WARS2: variants seen among roughly 807,000 people sequenced by gnomAD.
The protein encoded by WARS2 is tryptophanyl tRNA synthetase 2, mitochondrial, also known as tryptophan--tRNA ligase, mitochondrial.
A neutral mutation model predicts 36.5 loss-of-function variants in WARS2; 28 were observed. The ratio of observed to expected loss-of-function variants is 0.77; its 90% CI spans 0.57 to 1.05. WARS2 has a LOEUF of 1.05. Ranked by LOEUF, WARS2 falls within the 50% of genes least tolerant of loss-of-function variation. WARS2 has a pLI of 0.00. For missense variants in WARS2, 435 were observed against 456.8 expected, an observed-to-expected ratio of 0.95 and a Z score of 0.44; for synonymous variants, 174 against 178.4, an observed-to-expected ratio of 0.98 and a Z score of 0.20.
At position 119,033,589 on chromosome 1, in the gene WARS2, C is replaced by T. The variant is rs571820897; in HGVS notation, c.635-230G>A. On this transcript the variant is annotated intron_variant, in intron 5 of 5. Transcript: ENST00000235521. ...TATTCAATAAATTACATGAGATATT[C>T]AATACTTTATTATAAAATAGGCTTT... Among the ~76,000 whole-genome samples, 3 of 152,234 alleles carry T rather than the reference C, an allele frequency of 2.0e-5. No homozygotes were observed. The South Asian group carries it at 6.2e-4, about 32-fold the overall frequency.
chr1:119,073,345 A>G (rs1214259453), intron 2 of WARS2, among the ~76,000 whole-genome samples: 3 of 152,124 alleles, frequency 2.0e-5, no homozygotes, highest in Admixed American at 6.5e-5. Context: ...CCATCCATCC[A>G]TAGAGTTGTA....
chr1:119,108,806 C>T (rs1184592672), intron 1 of WARS2, among the ~76,000 whole-genome samples: 2 of 151,770 alleles, frequency 1.3e-5, no homozygotes, highest in African/African-American at 4.8e-5. Flanking sequence ...GGTGAAAGTT[C>T]TGATAACTGA....
intron 1 of WARS2, among the ~76,000 whole-genome samples, chr1:119,129,914 G>A (rs1477113882): frequency 6.6e-6 from 1 of 152,074 alleles, no homozygotes; most frequent in Non-Finnish European, 1.5e-5. Context: ...GCACAACCTT[G>A]GCTATATAGA....
intron 1 of WARS2, among the ~76,000 whole-genome samples, chr1:119,136,177 T>C (rs1656497100): frequency 6.6e-6 from 1 of 152,098 alleles, no homozygotes; most frequent in African/African-American, 2.4e-5. Context: ...TGCAGACAGC[T>C]CTTCTGTAAC....
intron 1 of WARS2, among the ~76,000 whole-genome samples, chr1:119,129,103 G>A (rs1025056879): frequency 1.3e-5 from 2 of 152,180 alleles, no homozygotes; most frequent in African/African-American, 4.8e-5. Flanking sequence ...GGCCACTGTA[G>A]TCACAGACTG....
chr1:119,115,836 A>C (rs965878520), intron 1 of WARS2, among the ~76,000 whole-genome samples: 2 of 152,150 alleles, frequency 1.3e-5, no homozygotes, highest in Non-Finnish European at 2.9e-5. Flanking sequence ...GTTACTGTTA[A>C]TATTCTGGAA....
In WARS2 at chr1:119,032,442, T is replaced by A. The variant is rs1426253748; in HGVS notation, c.*469A>T. On this transcript the variant is annotated 3_prime_UTR_variant, in exon 6 of 6. Transcript: ENST00000235521. ...AAACAAACTATAAGAATGGACTTGT[T>A]TTTATGAGCTCTGAATACAAATTGG... 1 of 154,482 alleles carries A rather than the reference T, an allele frequency of 6.5e-6. No homozygotes were observed. The highest frequency in any genetic ancestry group is 1.9e-4 in the East Asian group (1 of 5,228). The allele number at this position is 154,482 out of a possible 1,614,324, so 9.6% of individuals were successfully genotyped here. A position where few individuals can be genotyped will look rare whatever the true frequency, so the allele number is the denominator to read the frequency against.
intron 1 of WARS2, among the ~76,000 whole-genome samples, chr1:119,095,054 GT>G (rs756339464): frequency 2.6e-5 from 4 of 151,864 alleles, no homozygotes; most frequent in African/African-American, 4.8e-5. Flanking sequence ...TCTTTTGGAG[GT>G]TTTTTTTATG....
rs187790466 is a variant in WARS2 at position 119,107,145 on chromosome 1, T to A, written c.91-30538A>T. Among the ~76,000 whole-genome samples, 23 of 152,260 alleles carry A rather than the reference T, an allele frequency of 1.5e-4. No homozygotes were observed. The East Asian group carries it at 3.5e-3, about 23-fold the overall frequency. Reference sequence around the variant, plus strand: ...TCAGGTCTTTTGCCCATTTTTCAACTGGGTTGTTCATTTTCTTATTATTGA... The same window carrying A: ...TCAGGTCTTTTGCCCATTTTTCAACAGGGTTGTTCATTTTCTTATTATTGA... On this transcript the variant is annotated intron_variant, in intron 1 of 5. Coordinates refer to ENST00000235521, the MANE Select transcript of WARS2 (RefSeq NM_015836.4).
At chr1:119,052,008 C>T (rs1037741318) in intron 2 of WARS2, among the ~76,000 whole-genome samples, 6 of 152,046 alleles carry the variant, frequency 3.9e-5, no homozygotes, top group Non-Finnish European at 7.4e-5. Context: ...GATCCACCTG[C>T]CTCAGCCTCC....
chr1:119,034,322 C>G, intron 4 of WARS2, 109 bp from the exon 5 acceptor site: 1 of 875,944 alleles, frequency 1.1e-6, no homozygotes, highest in Non-Finnish European at 1.8e-6. Flanking sequence ...TGGTATTCAA[C>G]AAATGTTCAC....
At chr1:119,047,187 G>C (rs998673484) in intron 2 of WARS2, among the ~76,000 whole-genome samples, 2 of 152,190 alleles carry the variant, frequency 1.3e-5, no homozygotes, top group Non-Finnish European at 1.5e-5. Context: ...ATGTAGGCAA[G>C]AGGACTAGAG....
chr1:119,105,518 T>C (rs1654166879), intron 1 of WARS2, among the ~76,000 whole-genome samples: 1 of 151,932 alleles, frequency 6.6e-6, no homozygotes. Context: ...CTCATACAGG[T>C]TGGTGGAGTG....
intron 1 of WARS2, among the ~76,000 whole-genome samples, chr1:119,125,285 C>G (rs934156746): frequency 6.6e-6 from 1 of 152,090 alleles, no homozygotes; most frequent in Non-Finnish European, 1.5e-5. Flanking sequence ...TAAAAGTCAC[C>G]TTCTTGGGGT....
intron 1 of WARS2, among the ~76,000 whole-genome samples, chr1:119,104,709 T>C (rs1326217033): frequency 1.4e-5 from 2 of 148,074 alleles, no homozygotes; most frequent in Non-Finnish European, 3.0e-5. Flanking sequence ...TTGGAGCACA[T>C]GACATTTGAA....
chr1:119,088,138 T>C (rs1416687190), intron 1 of WARS2, among the ~76,000 whole-genome samples: 1 of 152,138 alleles, frequency 6.6e-6, no homozygotes, highest in Non-Finnish European at 1.5e-5. Flanking sequence ...TCACTTCAAC[T>C]GCAGAAAATG....
intron 2 of WARS2, among the ~76,000 whole-genome samples, chr1:119,056,103 C>T (rs374613554): frequency 2.0e-5 from 3 of 150,096 alleles, no homozygotes; most frequent in Middle Eastern, 3.4e-3. Flanking sequence ...ACTGCAGCCT[C>T]GACCTCCCAG....
At chr1:119,044,380 AT>A (rs1424445640) in intron 3 of WARS2, among the ~76,000 whole-genome samples, 1 of 152,232 alleles carries the variant, frequency 6.6e-6, no homozygotes, top group Admixed American at 6.5e-5. Context: ...GGATTTCAAC[AT>A]TACACTTAAT....
In WARS2 at chr1:119,034,194, C is replaced by T. The variant is rs1242984067; in HGVS notation, c.535G>A (p.Gly179Arg). The change falls in exon 5 of 6, where the codon GGG becomes AGG. Residue 179 changes from glycine to arginine, a missense_variant. By Grantham distance (125) the Gly-to-Arg change is moderately radical. Transcript: ENST00000235521. The stretch of plus-strand genomic sequence containing the variant: ...TCCATGTGCTGGACTTGATCCTCCC[C>T]AACAGGAACGTGTGTGGACCTTTAA... ...LLYKSTHVPV[G>R]EDQVQHMELV... is the part of the protein sequence containing the mutation. 2 of 1,613,958 alleles carry T rather than the reference C, an allele frequency of 1.2e-6. No individual in the cohort carries two copies. Among genetic ancestry groups the T allele is most frequent in the East Asian group, 2.2e-5 (1 of 44,864 alleles).
Sources: allele counts gnomAD v4.1 joint callset (sites outside exome capture counted in the v4.1 genomes callset), GRCh38; gene constraint gnomAD v4.1.1; transcripts MANE v1.5; gene names NCBI Gene and HGNC (gene_info 2026-07-23, HGNC 2026-07-21).